The following PCDH15 variants were observed in gnomAD, a reference collection of about 807,000 sequenced individuals.
PCDH15 encodes protocadherin-15.
In PCDH15, 129 loss-of-function variants were observed where a neutral mutation model predicts 178.5. That is an observed-to-expected ratio of 0.72 (90% CI 0.63 to 0.84). The LOEUF is 0.84. PCDH15 is among the 40% of genes least tolerant of loss of function. PCDH15 has a pLI of 0.00. For missense variants in PCDH15, 2,230 were observed against 2,099.9 expected (o/e 1.06, Z -1.21); for synonymous variants, 800 against 732.0 (o/e 1.09, Z -1.50).
chr10:55,569,965 A>AT (rs151291352), intron 2 of PCDH15, among the ~76,000 whole-genome samples: 5,227 of 152,060 alleles, frequency 0.034, 141 homozygotes, highest in Non-Finnish European at 0.048. Context: ...TAATAGTGCT[A>AT]TTTTTCCCTA....
intron 2 of PCDH15, among the ~76,000 whole-genome samples, chr10:54,545,884 C>T (rs12257225): frequency 0.15 from 23,098 of 152,202 alleles, 2,240 homozygotes; most frequent in East Asian, 0.33. Flanking sequence ...ACTTGCCAGA[C>T]TCATTTGCGG....
At chr10:55,098,439 A>C (rs1317476920) in intron 2 of PCDH15, among the ~76,000 whole-genome samples, 1 of 152,174 alleles carries the variant, frequency 6.6e-6, no homozygotes, top group African/African-American at 2.4e-5. Context: ...TCTTCTAAAA[A>C]AGAGTAGCCT....
chr10:54,492,368 T>C (rs2079680452), intron 3 of PCDH15, among the ~76,000 whole-genome samples: 1 of 152,176 alleles, frequency 6.6e-6, no homozygotes, highest in African/African-American at 2.4e-5. Context: ...GTTCTACAGC[T>C]GTGAAGGATT....
intron 1 of PCDH15, among the ~76,000 whole-genome samples, chr10:55,316,869 G>GAT (rs1843734610): frequency 6.6e-6 from 1 of 152,092 alleles, no homozygotes; most frequent in South Asian, 2.1e-4. Context: ...ATATTGTTCT[G>GAT]ATTATTATTT....
intron 16 of PCDH15, among the ~76,000 whole-genome samples, chr10:54,083,521 A>G (rs1305464453): frequency 6.6e-6 from 1 of 152,218 alleles, no homozygotes; most frequent in Non-Finnish European, 1.5e-5. Flanking sequence ...AAAAGAAGCT[A>G]GACACAAATA....
intron 14 of PCDH15, among the ~76,000 whole-genome samples, chr10:54,146,952 A>ATATATATATAATGTGTATATATAGTG: frequency 2.0e-5 from 2 of 99,010 alleles, no homozygotes; most frequent in South Asian, 6.3e-4. Flanking sequence ...TATATAGTGT[A>ATATATATATAATGTGTATATATAGTG]TATATATATA....
intron 18 of PCDH15, among the ~76,000 whole-genome samples, chr10:54,032,069 T>C (rs2093310845): frequency 6.6e-6 from 1 of 151,926 alleles, no homozygotes; most frequent in Admixed American, 6.6e-5. Context: ...TTCCAACCTC[T>C]TCTTACTTCT....
chr10:54,223,788 C>G (rs945393079), intron 9 of PCDH15, among the ~76,000 whole-genome samples: 6 of 151,826 alleles, frequency 4.0e-5, no homozygotes, highest in Admixed American at 2.6e-4. Flanking sequence ...AGAGGAAAGG[C>G]CCTCTAATCC....
chr10:55,586,601 T>A (rs551103745), intron 2 of PCDH15, among the ~76,000 whole-genome samples: 1 of 152,302 alleles, frequency 6.6e-6, no homozygotes, highest in East Asian at 1.9e-4. Context: ...ATATTACTAA[T>A]CTTTCTAATT....
Position 53,832,535 on chromosome 10 carries a change from A to G in PCDH15, c.3984-1002T>C, listed in dbSNP as rs2077073020. Among the ~76,000 whole-genome samples the G allele has an allele frequency of 1.3e-5, 2 of 151,966 alleles. 1 individual carries two copies. Among genetic ancestry groups the G allele is most frequent in the African/African-American group, 4.8e-5 (2 of 41,302 alleles). ...ACTCATAGTCCCATGATCTACAGAC[A>G]GTCATAATCACTTCTAACATCTTGG... is the stretch of plus-strand genomic sequence containing the variant. On this transcript the variant is annotated intron_variant, in intron 29 of 37. Coordinates refer to ENST00000644397, the MANE Select transcript of PCDH15 (RefSeq NM_001384140.1).
intron 2 of PCDH15, among the ~76,000 whole-genome samples, chr10:54,940,372 A>G (rs1269846346): frequency 2.6e-5 from 4 of 151,966 alleles, no homozygotes; most frequent in African/African-American, 9.7e-5. Flanking sequence ...TTTTTTATTT[A>G]GTTCTATTTT....
At chr10:55,191,482 G>T (rs530889031) in intron 1 of PCDH15, among the ~76,000 whole-genome samples, 1 of 151,740 alleles carries the variant, frequency 6.6e-6, no homozygotes, top group African/African-American at 2.4e-5. Context: ...AGGAATGCAA[G>T]ATTAGGAAAC....
At chr10:54,575,847 A>G (rs181875874) in intron 2 of PCDH15, among the ~76,000 whole-genome samples, 8 of 152,328 alleles carry the variant, frequency 5.3e-5, no homozygotes, top group Admixed American at 2.0e-4. Flanking sequence ...CTAGCCCTGA[A>G]GCAGTGACAC....
chr10:53,823,971 CT>C (rs1333011730), intron 32 of PCDH15, among the ~76,000 whole-genome samples: 1 of 152,020 alleles, frequency 6.6e-6, no homozygotes, highest in Non-Finnish European at 1.5e-5. Context: ...AGTTTTTCTT[CT>C]GTTTAAATTT....
rs1226078086 is a variant in PCDH15, at chr10:55,263,229, T to C, written c.-156+56370A>G. ...TTTTAAACCATCCTAACCGGTCTGG[T>C]AAAAACTCCCAGACTTCACCTCTTT... On this transcript the variant is annotated intron_variant, in intron 1 of 5. Transcript: ENST00000458638. 2.6e-5 allele frequency among the ~76,000 whole-genome samples: 4 copies of C among 152,326 alleles called. No homozygotes were observed. The East Asian group carries it at 7.7e-4, about 29-fold the overall frequency.
chr10:53,922,225 C>T (rs1015188631), intron 25 of PCDH15, among the ~76,000 whole-genome samples: 2 of 152,016 alleles, frequency 1.3e-5, no homozygotes, highest in African/African-American at 4.8e-5. Flanking sequence ...GTACACTTAT[C>T]TAAAGGAGTA....
At chr10:54,307,555 A>AT (rs1799065859) in intron 8 of PCDH15, among the ~76,000 whole-genome samples, 1 of 151,850 alleles carries the variant, frequency 6.6e-6, no homozygotes, top group Admixed American at 6.6e-5. Flanking sequence ...TTAAAATTTG[A>AT]TTCACTGATA....
Position 55,283,813 on chromosome 10 carries a change from G to A in PCDH15, c.-156+35786C>T, listed in dbSNP as rs540048343. Among the ~76,000 whole-genome samples, 11 of 152,062 alleles carry A rather than the reference G, an allele frequency of 7.2e-5. No individual in the cohort carries two copies. In the East Asian group the frequency reaches 7.7e-4, roughly 11 times the overall value. Reference sequence around the variant, plus strand: ...TGTCAAATAGAATAAGAAATGCAACGTCTACTAAAAGTTGTTTGGAAACTA... The same window carrying A: ...TGTCAAATAGAATAAGAAATGCAACATCTACTAAAAGTTGTTTGGAAACTA... On this transcript the variant is annotated intron_variant, in intron 1 of 5. Transcript: ENST00000458638.
intron 1 of PCDH15, among the ~76,000 whole-genome samples, chr10:54,779,566 A>T (rs1429312727): frequency 7.7e-6 from 1 of 130,652 alleles, no homozygotes; most frequent in Non-Finnish European, 1.7e-5. Context: ...TTTCTGTTCA[A>T]TACAGCACAC....
Sources: allele counts gnomAD v4.1 joint callset (sites outside exome capture counted in the v4.1 genomes callset), GRCh38; gene constraint gnomAD v4.1.1; transcripts MANE v1.5; gene names NCBI Gene and HGNC (gene_info 2026-07-23, HGNC 2026-07-21).